DOCK10: variants seen among roughly 807,000 people sequenced by gnomAD.
The protein encoded by DOCK10 is dedicator of cytokinesis protein 10.
A neutral mutation model predicts 280.1 loss-of-function variants in DOCK10; 145 were observed. The ratio of observed to expected loss-of-function variants is 0.52; its 90% CI spans 0.45 to 0.59. The LOEUF (loss-of-function observed/expected upper bound fraction) is 0.59, where lower values mean the gene tolerates loss of function less well. Ranked by LOEUF, DOCK10 falls within the 20% of genes least tolerant of loss-of-function variation. The pLI is 0.00. For missense variants in DOCK10, 2,368 were observed against 2,651.7 expected (o/e 0.89, Z 2.35); for synonymous variants, 915 against 942.2 (o/e 0.97, Z 0.53).
At chr2:225,026,872 T>C (rs1433493789) in intron 1 of DOCK10, among the ~76,000 whole-genome samples, 2 of 152,204 alleles carry the variant, frequency 1.3e-5, no homozygotes, top group Non-Finnish European at 2.9e-5. Flanking sequence ...TATTGAATAA[T>C]ACTTGATCCA....
intron 2 of DOCK10, among the ~76,000 whole-genome samples, chr2:224,918,825 G>A (rs562560354): frequency 1.6e-3 from 247 of 150,096 alleles, no homozygotes; most frequent in African/African-American, 5.7e-3. Context: ...GAGTGTATGT[G>A]TGGTGTGAAT....
At chr2:225,000,205 GACACACACACACACACACAGAC>G (rs1466380408) in intron 1 of DOCK10, among the ~76,000 whole-genome samples, 14 of 121,232 alleles carry the variant, frequency 1.2e-4, no homozygotes, top group East Asian at 9.6e-4. Flanking sequence ...CACACACACA[GACACACACACACACACACAGAC>G]ACACACACAC....
chr2:224,841,944 T>A lies in DOCK10; in HGVS notation c.2569-48A>T, dbSNP rs768862682. ...TTTATTTCTGATGACACGTAAACCG[T>A]GTTACAAACACAAACCACTGTGATG... On this transcript the variant is annotated intron_variant, in intron 22 of 55. Coordinates refer to ENST00000258390, the MANE Select transcript of DOCK10 (RefSeq NM_014689.3). The A allele has an allele frequency of 1.4e-5, 19 of 1,375,420 alleles. No homozygotes were observed. The Admixed American group carries it at 3.0e-4, about 22-fold the overall frequency. The allele number at this position is 1,375,420 out of a possible 1,614,324, so 85.2% of individuals were successfully genotyped here. A position where few individuals can be genotyped will look rare whatever the true frequency, so the allele number is the denominator to read the frequency against.
chr2:224,845,710 G>T (rs1696304698), intron 19 of DOCK10, 68 bp from the exon 20 acceptor site: 4 of 1,426,020 alleles, frequency 2.8e-6, no homozygotes, highest in Admixed American at 4.5e-5. Context: ...GCAAGACAAA[G>T]CATAGCTTTT....
At chr2:224,951,327 C>T (rs1269500537) in intron 1 of DOCK10, among the ~76,000 whole-genome samples, 1 of 152,000 alleles carries the variant, frequency 6.6e-6, no homozygotes. Context: ...GGGTATTTGT[C>T]ATTTCTTATG....
intron 53 of DOCK10, among the ~76,000 whole-genome samples, chr2:224,771,870 G>A (rs1284195446): frequency 6.6e-6 from 1 of 152,084 alleles, no homozygotes; most frequent in East Asian, 1.9e-4. Flanking sequence ...TAGGGAACGG[G>A]AGAGTGTGGT....
chr2:224,805,303 A>T lies in DOCK10; in HGVS notation c.3954T>A (p.Ser1318=). 6.2e-7 allele frequency: 1 copy of T among 1,613,108 alleles called. No individual in the cohort carries two copies. Among genetic ancestry groups the T allele is most frequent in the Non-Finnish European group, 8.5e-7 (1 of 1,179,326 alleles). The change falls in exon 36 of 56, where the codon TCT becomes TCA. Residue 1318 remains serine (S), a synonymous_variant. Transcript: ENST00000258390. The surrounding 1 kb of genome is among the most constrained non-coding windows in gnomAD (Gnocchi z 4.3). ...DNCEKIPRPL[S]LIGSTLRFDK... ...CAAATCGAAGAGTTGAGCCAATCAA[A>T]GACAAGGGTCTTGGGATCTGGGAAT...
chr2:225,021,154 A>C (rs999946825), intron 1 of DOCK10, among the ~76,000 whole-genome samples: 22 of 152,226 alleles, frequency 1.4e-4, no homozygotes, highest in African/African-American at 4.8e-4. Context: ...TTCCATGTGC[A>C]TTATATAATA....
At chr2:224,775,145 T>A (rs1465665989) in intron 51 of DOCK10, 30 bp from the exon 52 acceptor site, 106 of 1,598,066 alleles carry the variant, frequency 6.6e-5, no homozygotes, top group Non-Finnish European at 9.0e-5. Context: ...GCAAAGTGAG[T>A]GGTGTGCCCT....
intron 1 of DOCK10, among the ~76,000 whole-genome samples, chr2:224,941,830 T>A (rs767681811): frequency 3.0e-5 from 4 of 135,548 alleles, no homozygotes; most frequent in Non-Finnish European, 4.6e-5. Context: ...GGCAACAGAC[T>A]GAGCCTCCAT....
intron 4 of DOCK10, among the ~76,000 whole-genome samples, chr2:224,888,736 ATG>A (rs1279880274): frequency 6.8e-6 from 1 of 147,990 alleles, no homozygotes; most frequent in African/African-American, 2.4e-5. Context: ...GTGTGAATAT[ATG>A]TGTGTATGTG....
chr2:225,022,287 T>C (rs1575170491), intron 1 of DOCK10, among the ~76,000 whole-genome samples: 1 of 152,210 alleles, frequency 6.6e-6, no homozygotes, highest in Admixed American at 6.5e-5. Context: ...CCATTTAAAA[T>C]TGTGTGATCT....
At chr2:224,834,732 A>C (rs1263886524) in intron 25 of DOCK10, among the ~76,000 whole-genome samples, 1 of 152,116 alleles carries the variant, frequency 6.6e-6, no homozygotes, top group East Asian at 1.9e-4. Flanking sequence ...ATGCTTAGAC[A>C]CACTATCAAG....
intron 22 of DOCK10, among the ~76,000 whole-genome samples, chr2:224,842,397 A>C (rs1412377358): frequency 6.6e-6 from 1 of 152,176 alleles, no homozygotes; most frequent in East Asian, 1.9e-4. Flanking sequence ...ATAACACTTG[A>C]AATTTACTTC....
rs1575148133 is a variant in DOCK10, at chr2:224,983,393, T to C, written c.124-51725A>G. ...TGGAGCTGCTTGCGCTAAAAATATC[T>C]CATGGAAAATAGATTTTGCTTACAA... On this transcript the variant is annotated intron_variant, in intron 1 of 55. Transcript: ENST00000258390. 4 of 179,024 alleles carry C rather than the reference T, an allele frequency of 2.2e-5. No individual in the cohort carries two copies. In the South Asian group the frequency reaches 5.0e-4, roughly 22 times the overall value. 11.1% of individuals were successfully genotyped at this position (179,024 alleles called of 1,614,324 possible).
chr2:225,042,431 C>G lies in DOCK10; in HGVS notation c.-57G>C, dbSNP rs1357525391. The G allele has an allele frequency of 7.3e-6, 9 of 1,228,290 alleles. No individual in the cohort carries two copies. The highest frequency in any genetic ancestry group is 9.2e-6 in the Non-Finnish European group (9 of 983,376). The allele number at this position is 1,228,290 out of a possible 1,614,324, so 76.1% of individuals were successfully genotyped here. On this transcript the variant is annotated 5_prime_UTR_variant, in exon 1 of 56. Coordinates refer to ENST00000258390, the MANE Select transcript of DOCK10 (RefSeq NM_014689.3). This position sits in a 1 kb window ranked among gnomAD's most constrained non-coding sequence, Gnocchi z 5.1. ...GGGCGCGCCTCCCGCCGGTCTTCCC[C>G]GCGCCAACCTTCTCTATCCACCCGC... is the stretch of plus-strand genomic sequence containing the variant.
At chr2:224,982,779 C>T (rs954381862) in intron 1 of DOCK10, among the ~76,000 whole-genome samples, 1 of 145,006 alleles carries the variant, frequency 6.9e-6, no homozygotes, top group Non-Finnish European at 1.5e-5. Context: ...CCTGAGGTAT[C>T]ATGTAAGGAG....
At chr2:224,861,992 T>G (rs1697532414) in intron 14 of DOCK10, 1 of 152,254 alleles carries the variant, frequency 6.6e-6, no homozygotes, top group South Asian at 2.1e-4. Flanking sequence ...AAGAAATTCT[T>G]ACACTAATAA....
rs543069147 is a variant in DOCK10, at chr2:224,786,474, C to T, written c.5655+548G>A. Among the ~76,000 whole-genome samples the T allele has an allele frequency of 6.6e-6, 1 of 152,066 alleles. No individual in the cohort carries two copies. The highest frequency in any genetic ancestry group is 6.5e-5 in the Admixed American group (1 of 15,270). On this transcript the variant is annotated intron_variant, in intron 50 of 55. Transcript: ENST00000258390. This position sits in a 1 kb window ranked among gnomAD's most constrained non-coding sequence, Gnocchi z 4.7. ...TCCATCTTCTTCATTGCTTATGCAG[C>T]AAACTGGGAAAAACAACTTTGAAAT... is the stretch of plus-strand genomic sequence containing the variant.
Sources: gnomAD v4.1 joint callset for allele counts (sites outside exome capture counted in the v4.1 genomes callset) on GRCh38, gnomAD v4.1.1 for gene constraint, Gnocchi (gnomAD v3.1) non-coding constraint, MANE v1.5 for transcripts, NCBI Gene and HGNC (gene_info 2026-07-23, HGNC 2026-07-21) for gene names.